MTDH: variants seen among roughly 807,000 people sequenced by gnomAD.
MTDH encodes the protein protein LYRIC.
In MTDH, 34 loss-of-function variants were observed where a neutral mutation model predicts 72.7. The observed-to-expected ratio is 0.47, with a 90% confidence interval of 0.36 to 0.62. MTDH has a LOEUF of 0.62. Ranked by LOEUF, MTDH falls within the 20% of genes least tolerant of loss-of-function variation. The pLI is 0.00. For missense variants in MTDH, 677 were observed against 699.4 expected, an observed-to-expected ratio of 0.97 and a Z score of 0.36; for synonymous variants, 266 against 268.9, an observed-to-expected ratio of 0.99 and a Z score of 0.10.
chr8:97,655,654 G>C (rs1746248148), intron 1 of MTDH, among the ~76,000 whole-genome samples: 3 of 152,182 alleles, frequency 2.0e-5, no homozygotes, highest in African/African-American at 7.2e-5. Context: ...TAGCTTTGGA[G>C]AGAAAAGGGT....
chr8:97,695,470 A>G (rs111725841), intron 6 of MTDH, among the ~76,000 whole-genome samples: 209 of 152,278 alleles, frequency 1.4e-3, no homozygotes, highest in African/African-American at 4.7e-3. Flanking sequence ...ATTAGATGGT[A>G]TTTGCTTAAT....
At chr8:97,718,412 A>G (rs1814963646) in intron 9 of MTDH, among the ~76,000 whole-genome samples, 1 of 152,182 alleles carries the variant, frequency 6.6e-6, no homozygotes, top group Non-Finnish European at 1.5e-5. Context: ...CCTTTCTACT[A>G]TGTAAGCTTA....
intron 1 of MTDH, among the ~76,000 whole-genome samples, chr8:97,658,407 T>G (rs922809800): frequency 2.0e-5 from 3 of 152,338 alleles, no homozygotes; most frequent in Admixed American, 1.3e-4. Context: ...AGACTTTGTG[T>G]TGTTTGAAAG....
intron 2 of MTDH, among the ~76,000 whole-genome samples, chr8:97,674,316 C>G (rs1448295997): frequency 1.3e-5 from 2 of 152,276 alleles, no homozygotes; most frequent in South Asian, 2.1e-4. Flanking sequence ...TAAGTTAAAC[C>G]CCACCAAAAG....
chr8:97,674,090 G>A (rs1477116416), intron 2 of MTDH, among the ~76,000 whole-genome samples: 1 of 152,092 alleles, frequency 6.6e-6, no homozygotes, highest in Non-Finnish European at 1.5e-5. Context: ...CCAGAGTTTG[G>A]GACTGTAGCA....
intron 1 of MTDH, 33 bp from the exon 2 acceptor site, chr8:97,661,039 T>A (rs1352568874): frequency 6.4e-7 from 1 of 1,556,538 alleles, no homozygotes; most frequent in Non-Finnish European, 8.8e-7. Context: ...GCTAAGCAGT[T>A]TGATAATATG....
chr8:97,654,448 T>C (rs1340570707), intron 1 of MTDH, among the ~76,000 whole-genome samples: 1 of 152,174 alleles, frequency 6.6e-6, no homozygotes, highest in Non-Finnish European at 1.5e-5. Flanking sequence ...ATGCGTGTAA[T>C]GTGTCTAGCA....
chr8:97,663,765 A>AT (rs1812269046), intron 2 of MTDH, among the ~76,000 whole-genome samples: 1 of 151,362 alleles, frequency 6.6e-6, no homozygotes, highest in Non-Finnish European at 1.5e-5. Context: ...AAAAAAAAAA[A>AT]AAAGACTTTA....
chr8:97,689,080 GA>G lies in MTDH; in HGVS notation c.792del (p.Gly265GlufsTer11). ...LNVQVSNFKS[G>X]KGDSTLQVSS... ...GTTCAAGTTAGCAACTTTAAATCTG[GA>G]AAAGGAGATTCTACACTTCAGGGTG... On this transcript the variant is annotated frameshift_variant, in exon 5 of 12. Coordinates refer to ENST00000336273, the MANE Select transcript of MTDH (RefSeq NM_178812.4). LOFTEE classifies it high-confidence loss of function. 6.3e-7 allele frequency: 1 copy of G among 1,582,986 alleles called. No individual in the cohort carries two copies. Among genetic ancestry groups the G allele is most frequent in the Non-Finnish European group, 8.6e-7 (1 of 1,159,574 alleles).
In MTDH at chr8:97,726,544, C is replaced by G. The variant is rs1246099000; in HGVS notation, c.*1874C>G. On this transcript the variant is annotated 3_prime_UTR_variant, in exon 12 of 12. Coordinates refer to ENST00000336273, the MANE Select transcript of MTDH (RefSeq NM_178812.4). ...TATAATTGAACTCTCTCAACTCTAC[C>G]TCACCATTTCTTTATCTCAAAATTC... 1 of 152,196 alleles carries G rather than the reference C, an allele frequency of 6.6e-6. No individual in the cohort carries two copies. The allele number at this position is 152,196 out of a possible 1,614,324, so 9.4% of individuals were successfully genotyped here.
At chr8:97,677,838 C>T (rs1213948486) in intron 2 of MTDH, among the ~76,000 whole-genome samples, 1 of 152,010 alleles carries the variant, frequency 6.6e-6, no homozygotes, top group Non-Finnish European at 1.5e-5. Flanking sequence ...TTCTATATGA[C>T]AAAATTTTAC....
At chr8:97,668,928 T>G (rs1812496790) in intron 2 of MTDH, among the ~76,000 whole-genome samples, 1 of 152,074 alleles carries the variant, frequency 6.6e-6, no homozygotes, top group Non-Finnish European at 1.5e-5. Context: ...CCTAAAACCC[T>G]TCATGCCTTC....
intron 10 of MTDH, among the ~76,000 whole-genome samples, chr8:97,720,620 T>A (rs1309802537): frequency 6.7e-6 from 1 of 149,310 alleles, no homozygotes; most frequent in Non-Finnish European, 1.5e-5. Context: ...TGTGTGTGTA[T>A]AATAAATAGC....
chr8:97,695,310 C>T (rs1173200642), intron 6 of MTDH, among the ~76,000 whole-genome samples: 3 of 152,026 alleles, frequency 2.0e-5, no homozygotes, highest in African/African-American at 7.2e-5. Flanking sequence ...AATAGGCTCT[C>T]ACCATGTTGG....
chr8:97,686,042 C>T (rs1315298277), intron 2 of MTDH, among the ~76,000 whole-genome samples: 1 of 152,124 alleles, frequency 6.6e-6, no homozygotes, highest in Non-Finnish European at 1.5e-5. Context: ...CATCTGTATA[C>T]AAATCCTAGG....
chr8:97,690,804 T>C (rs1273242430), intron 5 of MTDH, 148 bp from the exon 6 acceptor site: 5 of 616,478 alleles, frequency 8.1e-6, no homozygotes, highest in Non-Finnish European at 1.1e-5. Context: ...AAGCCTCCTG[T>C]TTTTAAATTA....
At chr8:97,670,960 T>TG (rs1457331955) in intron 2 of MTDH, among the ~76,000 whole-genome samples, 2 of 136,432 alleles carry the variant, frequency 1.5e-5, no homozygotes, top group Non-Finnish European at 3.2e-5. Flanking sequence ...TTGTTTTTTT[T>TG]TTTTTTTTTT....
chr8:97,696,887 G>A (rs1813855263), intron 6 of MTDH, among the ~76,000 whole-genome samples: 1 of 151,510 alleles, frequency 6.6e-6, no homozygotes, highest in Non-Finnish European at 1.5e-5. Context: ...CGAGGCTGAG[G>A]TGGGAAGATC....
Position 97,644,474 on chromosome 8 carries a change from G to A in MTDH, c.-33G>A, listed in dbSNP as rs946152015. ...TTCCACTGCGTCTCCGCGCCCCGGCGTCATCCTGCGAGTCCCTCTGACGGG... is the reference window on the plus strand; with the variant it reads ...TTCCACTGCGTCTCCGCGCCCCGGCATCATCCTGCGAGTCCCTCTGACGGG... On this transcript the variant is annotated 5_prime_UTR_variant, in exon 1 of 12. Transcript: ENST00000336273. 2.0e-6 allele frequency: 3 copies of A among 1,536,402 alleles called. No individual in the cohort carries two copies. Among genetic ancestry groups the A allele is most frequent in the East Asian group, 2.5e-5 (1 of 40,070 alleles).
Sources: gnomAD v4.1 joint callset for allele counts (sites outside exome capture counted in the v4.1 genomes callset) on GRCh38, gnomAD v4.1.1 for gene constraint, MANE v1.5 for transcripts, NCBI Gene and HGNC (gene_info 2026-07-23, HGNC 2026-07-21) for gene names.